FANCC: variants seen among roughly 807,000 people sequenced by gnomAD.
FANCC encodes the protein Fanconi anemia group C protein.
Under a neutral mutation model 71.3 loss-of-function variants are expected in FANCC, and 55 were observed. The observed-to-expected ratio is 0.77, with a 90% CI of 0.62 to 0.97. FANCC has a LOEUF of 0.97. Ranked by LOEUF, FANCC falls within the 50% of genes least tolerant of loss-of-function variation. The probability of loss-of-function intolerance (pLI) is 0.00; values close to 1 mark genes in which losing one functional copy is unlikely to be tolerated. For missense variants in FANCC, 678 were observed against 670.9 expected (o/e 1.01, Z -0.12); for synonymous variants, 275 against 244.9 (o/e 1.12, Z -1.15).
intron 1 of FANCC, chr9:95,293,558 C>T (rs1183248397): frequency 9.9e-6 from 16 of 1,612,666 alleles, no homozygotes; most frequent in Admixed American, 3.3e-5. Flanking sequence ...GTCAGAAGAA[C>T]GGCATTTCTT....
At chr9:95,171,742 A>G (rs1177623851) in intron 5 of FANCC, among the ~76,000 whole-genome samples, 2 of 152,214 alleles carry the variant, frequency 1.3e-5, no homozygotes, top group African/African-American at 4.8e-5. Context: ...TGTGTTTATA[A>G]TAGCTAAGAA....
chr9:95,099,569 G>A lies in FANCC; in HGVS notation c.*2138C>T, dbSNP rs992092602. 2.2e-5 allele frequency: 5 copies of A among 230,990 alleles called. No homozygotes were observed. The highest frequency in any genetic ancestry group is 1.1e-4 in the African/African-American group (5 of 45,032). 14.3% of individuals were successfully genotyped at this position (230,990 alleles called of 1,614,324 possible). ...GGCCGCCACCTGTCTTGGAGGTGGA[G>A]GGAATGGCCGAGGGGTGGCTCCCCC... On this transcript the variant is annotated 3_prime_UTR_variant, in exon 15 of 15. Transcript: ENST00000289081.
At chr9:95,269,466 C>T (rs928915480) in intron 1 of FANCC, among the ~76,000 whole-genome samples, 3 of 152,130 alleles carry the variant, frequency 2.0e-5, no homozygotes, top group Non-Finnish European at 2.9e-5. Flanking sequence ...TCAGATGATC[C>T]ATTAATAAAA....
At chr9:95,293,333 G>C in intron 1 of FANCC, 5 of 1,607,816 alleles carry the variant, frequency 3.1e-6, no homozygotes, top group Non-Finnish European at 4.2e-6. Context: ...GTTAGGTGTT[G>C]ATCAGGGCTC....
In FANCC at chr9:95,186,290, C is replaced by T. The variant is rs536846129; in HGVS notation, c.346-14143G>A. Reference sequence around the variant, plus strand: ...CGATCACATTTTCTCAGTGTTGCCACCATTGGCATTTTGGGCCTGACAATT... The same window carrying T: ...CGATCACATTTTCTCAGTGTTGCCATCATTGGCATTTTGGGCCTGACAATT... On this transcript the variant is annotated intron_variant, in intron 4 of 14. Coordinates refer to ENST00000289081, the MANE Select transcript of FANCC (RefSeq NM_000136.3). 3.3e-5 allele frequency among the ~76,000 whole-genome samples: 5 copies of T among 152,360 alleles called. No homozygotes were observed. In the South Asian group the frequency reaches 1.0e-3, roughly 32 times the overall value.
At chr9:95,148,778 A>G (rs1374434672) in intron 7 of FANCC, among the ~76,000 whole-genome samples, 1 of 152,240 alleles carries the variant, frequency 6.6e-6, no homozygotes, top group Admixed American at 6.5e-5. Context: ...TTCTAATGTA[A>G]CAGAGTATGG....
At chr9:95,226,781 T>C (rs2135965767) in intron 4 of FANCC, among the ~76,000 whole-genome samples, 1 of 152,202 alleles carries the variant, frequency 6.6e-6, no homozygotes, top group South Asian at 2.1e-4. Flanking sequence ...GAGGAACAAG[T>C]GCAATATCTG....
At chr9:95,256,498 G>A (rs1211451978) in intron 1 of FANCC, among the ~76,000 whole-genome samples, 2 of 152,172 alleles carry the variant, frequency 1.3e-5, no homozygotes, top group African/African-American at 4.8e-5. Context: ...GAGAGATTCT[G>A]TCACCACCAG....
chr9:95,120,559 A>G (rs1401572871), intron 10 of FANCC, among the ~76,000 whole-genome samples: 1 of 151,888 alleles, frequency 6.6e-6, no homozygotes, highest in African/African-American at 2.4e-5. Flanking sequence ...GACTACAGGC[A>G]TGCATCACCA....
At chr9:95,119,749 T>C (rs1029866022) in intron 10 of FANCC, among the ~76,000 whole-genome samples, 6 of 151,968 alleles carry the variant, frequency 3.9e-5, no homozygotes, top group African/African-American at 1.4e-4. Context: ...TTTCACTCTG[T>C]TGCCCAAGCT....
chr9:95,170,929 A>G, intron 6 of FANCC, 150 bp downstream of exon 6: 1 of 675,722 alleles, frequency 1.5e-6, no homozygotes, highest in Non-Finnish European at 2.6e-6. Context: ...AAACTCACCA[A>G]TTTGCTATGT....
At chr9:95,213,090 G>A (rs559999759) in intron 4 of FANCC, among the ~76,000 whole-genome samples, 2 of 152,166 alleles carry the variant, frequency 1.3e-5, no homozygotes, top group East Asian at 1.9e-4. Context: ...TGTTTATTTC[G>A]ACTACATGTT....
At chr9:95,152,063 T>A (rs1196394498) in intron 6 of FANCC, among the ~76,000 whole-genome samples, 5 of 152,246 alleles carry the variant, frequency 3.3e-5, no homozygotes, top group Non-Finnish European at 5.9e-5. Context: ...CGGACAAAAA[T>A]TGCTATTTCT....
At chr9:95,274,281 T>C (rs534785045) in intron 1 of FANCC, among the ~76,000 whole-genome samples, 9 of 152,294 alleles carry the variant, frequency 5.9e-5, no homozygotes, top group African/African-American at 2.2e-4. Context: ...GGTGTTTGGT[T>C]TTCTGTTCCT....
At chr9:95,119,697 G>T (rs953272207) in intron 10 of FANCC, among the ~76,000 whole-genome samples, 1 of 151,222 alleles carries the variant, frequency 6.6e-6, no homozygotes, top group African/African-American at 2.4e-5. Flanking sequence ...ATCTATCAAA[G>T]AATAGAAATT....
intron 1 of FANCC, among the ~76,000 whole-genome samples, chr9:95,250,928 T>TA (rs1487209663): frequency 6.6e-6 from 1 of 152,174 alleles, no homozygotes; most frequent in African/African-American, 2.4e-5. Flanking sequence ...AAAAGAAACT[T>TA]AAACTCCCCG....
At chr9:95,208,041 T>C (rs1396201818) in intron 4 of FANCC, among the ~76,000 whole-genome samples, 2 of 144,806 alleles carry the variant, frequency 1.4e-5, no homozygotes, top group African/African-American at 5.1e-5. Flanking sequence ...CAGGAAAGTA[T>C]TAAACTCTGT....
At chr9:95,216,652 T>C (rs1828882810) in intron 4 of FANCC, among the ~76,000 whole-genome samples, 1 of 152,258 alleles carries the variant, frequency 6.6e-6, no homozygotes. Context: ...AAAAGGAAGT[T>C]TGTTTGCAGC....
chr9:95,284,512 ACTTGAGAG>A (rs772774847), intron 1 of FANCC, among the ~76,000 whole-genome samples: 2 of 152,200 alleles, frequency 1.3e-5, no homozygotes, highest in Non-Finnish European at 2.9e-5. Context: ...AAAAGAGTGT[ACTTGAGAG>A]CAAGACTCAA....
Sources: gnomAD v4.1 joint callset for allele counts (sites outside exome capture counted in the v4.1 genomes callset) on GRCh38, gnomAD v4.1.1 for gene constraint, MANE v1.5 for transcripts, NCBI Gene and HGNC (gene_info 2026-07-23, HGNC 2026-07-21) for gene names.